The following ENTREP2 variants were observed in gnomAD, a reference collection of about 807,000 sequenced individuals.
ENTREP2 encodes the protein protein ENTREP2.
At chr15:29,467,276 C>T in the ENTREP2 span, among the ~76,000 whole-genome samples, 771 of 152,218 alleles carry the variant, frequency 5.1e-3, 7 homozygotes, top group African/African-American at 0.018. Context: ...GAAAGGAAGC[C>T]ATGTTTTAAA....
chr15:29,634,325 G>A, the ENTREP2 span, among the ~76,000 whole-genome samples: 12 of 152,032 alleles, frequency 7.9e-5, no homozygotes, highest in African/African-American at 2.4e-4. Flanking sequence ...CCCCTCCCAG[G>A]ACAAGTGCAC....
At chr15:29,637,028 G>A in the ENTREP2 span, among the ~76,000 whole-genome samples, 2 of 152,120 alleles carry the variant, frequency 1.3e-5, no homozygotes, top group Non-Finnish European at 2.9e-5. Context: ...CAGAAACTTT[G>A]TTCAGAATGT....
chr15:29,305,010 T>C, the ENTREP2 span, among the ~76,000 whole-genome samples: 1 of 152,206 alleles, frequency 6.6e-6, no homozygotes, highest in Admixed American at 6.5e-5. Context: ...TTCTACTTTC[T>C]AACAGACGTT....
At chr15:29,648,934 C>T in the ENTREP2 span, among the ~76,000 whole-genome samples, 1 of 147,914 alleles carries the variant, frequency 6.8e-6, no homozygotes, top group Non-Finnish European at 1.5e-5. Flanking sequence ...AGCGAAAACT[C>T]TAAAAAAAAA....
the ENTREP2 span, chr15:29,126,132 C>T: frequency 1.3e-6 from 1 of 748,016 alleles, no homozygotes; most frequent in Non-Finnish European, 2.1e-6. Context: ...CAGGGGCCAT[C>T]AAGACCACAT....
At chr15:29,651,907 A>G in the ENTREP2 span, among the ~76,000 whole-genome samples, 2 of 152,162 alleles carry the variant, frequency 1.3e-5, no homozygotes, top group Non-Finnish European at 2.9e-5. Flanking sequence ...CCTGGGTGGC[A>G]GGGGGTGGGT....
chr15:29,368,481 T>C, the ENTREP2 span, among the ~76,000 whole-genome samples: 1 of 151,468 alleles, frequency 6.6e-6, no homozygotes, highest in Non-Finnish European at 1.5e-5. Flanking sequence ...TTTAAACGTA[T>C]TAAAAGAACT....
the ENTREP2 span, among the ~76,000 whole-genome samples, chr15:29,479,609 T>TCTCC: frequency 6.4e-3 from 643 of 100,688 alleles, 5 homozygotes; most frequent in African/African-American, 0.033. Context: ...CAATTCTCTC[T>TCTCC]CTCCCTCCCT....
chr15:29,361,793 G>T, the ENTREP2 span, among the ~76,000 whole-genome samples: 25,959 of 152,132 alleles, frequency 0.17, 2,425 homozygotes, highest in East Asian at 0.38. Flanking sequence ...TCAGCCCAGG[G>T]TTAGACACTT....
chr15:29,480,338 CAAAAAAAAAAAAAAAAA>C, the ENTREP2 span, among the ~76,000 whole-genome samples: 5 of 29,416 alleles, frequency 1.7e-4, no homozygotes, highest in African/African-American at 3.8e-4. Context: ...TTCACTATAG[CAAAAAAAAAAAAAAAAA>C]AAAAAAAAAA....
At chr15:29,482,229 C>T in the ENTREP2 span, among the ~76,000 whole-genome samples, 3 of 148,646 alleles carry the variant, frequency 2.0e-5, no homozygotes, top group African/African-American at 2.5e-5. Flanking sequence ...AGGCTGGTCT[C>T]GAACTCCTGA....
At chr15:29,142,712 A>G in the ENTREP2 span, among the ~76,000 whole-genome samples, 1 of 152,194 alleles carries the variant, frequency 6.6e-6, no homozygotes, top group African/African-American at 2.4e-5. Context: ...CAGCTACCTA[A>G]ATGACAATAA....
chr15:29,651,480 C>G, the ENTREP2 span, among the ~76,000 whole-genome samples: 1 of 152,202 alleles, frequency 6.6e-6, no homozygotes, highest in African/African-American at 2.4e-5. Context: ...CTCCCATTCT[C>G]AGAGTGGGCT....
chr15:29,335,170 A>G, the ENTREP2 span, among the ~76,000 whole-genome samples: 1 of 152,276 alleles, frequency 6.6e-6, no homozygotes, highest in South Asian at 2.1e-4. Context: ...TAGTGCCACT[A>G]TATTTTGGGG....
chr15:29,288,374 C>T, the ENTREP2 span, among the ~76,000 whole-genome samples: 1 of 152,156 alleles, frequency 6.6e-6, no homozygotes. Flanking sequence ...GCACAGTGCT[C>T]CTGCTCCTGT....
At chr15:29,651,928 G>T in the ENTREP2 span, among the ~76,000 whole-genome samples, 1 of 152,200 alleles carries the variant, frequency 6.6e-6, no homozygotes, top group East Asian at 1.9e-4. Context: ...CCCCAGTGAA[G>T]CCCCACCTTC....
chr15:29,432,389 G>C, the ENTREP2 span, among the ~76,000 whole-genome samples: 1 of 152,164 alleles, frequency 6.6e-6, no homozygotes, highest in South Asian at 2.1e-4. Flanking sequence ...CTCTTCACCA[G>C]GTTTCCACAT....
chr15:29,663,901 G>A, the ENTREP2 span, among the ~76,000 whole-genome samples: 2 of 151,920 alleles, frequency 1.3e-5, no homozygotes, highest in African/African-American at 2.4e-5. Flanking sequence ...GATGGTGTGC[G>A]ACTGTAATCC....
chr15:29,277,265 C>A, the ENTREP2 span, among the ~76,000 whole-genome samples: 1 of 151,866 alleles, frequency 6.6e-6, no homozygotes, highest in Non-Finnish European at 1.5e-5. Flanking sequence ...TCGCTTGAAC[C>A]CAAGAGGCAG....
Sources: gnomAD v4.1 joint callset for allele counts (sites outside exome capture counted in the v4.1 genomes callset) on GRCh38, gnomAD v4.1.1 for gene constraint, MANE v1.5 for transcripts, NCBI Gene and HGNC (gene_info 2026-07-23, HGNC 2026-07-21) for gene names.